The following OR13G1 variants were observed in gnomAD, a reference collection of about 807,000 sequenced individuals.
The protein encoded by OR13G1 is olfactory receptor family 13 subfamily G member 1.
For synonymous variants in OR13G1, 128 were observed against 136.2 expected, an observed-to-expected ratio of 0.94 and a Z score of 0.42; for missense variants, 369 against 385.7, an observed-to-expected ratio of 0.96 and a Z score of 0.36.
At position 247,674,294 on chromosome 1, in the gene OR13G1, G is replaced by T. The variant is rs185141508; in HGVS notation, c.-238-1015C>A. Among the ~76,000 whole-genome samples, 347 of 152,286 alleles carry T rather than the reference G, an allele frequency of 2.3e-3. 1 individual carries two copies. The highest frequency in any genetic ancestry group is 2.9e-3 in the Non-Finnish European group (196 of 68,028). ...GAATCTAGTGAAAGTATTCAAAATA[G>T]TTGTGAATTTAGTCATAAATTTATG... On this transcript the variant is annotated intron_variant, in intron 1 of 1. Transcript: ENST00000642119.
At position 247,672,766 on chromosome 1, in the gene OR13G1, T is replaced by G. The variant is rs1452893448; in HGVS notation, c.276A>C (p.Ala92=). 6.2e-7 allele frequency: 1 copy of G among 1,613,958 alleles called. No homozygotes were observed. The highest frequency in any genetic ancestry group is 1.3e-5 in the African/African-American group (1 of 74,920). ...MLTSENTISY[A]GCMSQLFLFT... is the part of the protein sequence containing the mutation. ...ACAAGAAGAGCTGGGACATGCAGCC[T>G]GCATATGAAATGGTATTTTCTGATG... is the stretch of plus-strand genomic sequence containing the variant. Residue 92 remains alanine, a synonymous_variant, in exon 2 of 2, where the codon GCA becomes GCC. Transcript: ENST00000642119.
intron 1 of OR13G1, among the ~76,000 whole-genome samples, 150 bp downstream of exon 1, chr1:247,679,486 TTGTG>T (rs56753299): frequency 0.29 from 41,277 of 144,342 alleles, 6,149 homozygotes; most frequent in East Asian, 0.52. Flanking sequence ...CGCGGATGGA[TTGTG>T]TGTGTGTGTG....
intron 1 of OR13G1, among the ~76,000 whole-genome samples, chr1:247,678,663 T>C (rs1185758094): frequency 6.6e-6 from 1 of 152,220 alleles, no homozygotes; most frequent in Non-Finnish European, 1.5e-5. Context: ...TAGCTACTTC[T>C]TAATTTTCTA....
rs746409220 is a variant in OR13G1 at position 247,672,379 on chromosome 1, A to G, written c.663T>C (p.Ala221=). The G allele has an allele frequency of 6.2e-7, 1 of 1,614,124 alleles. No homozygotes were observed. Among genetic ancestry groups the G allele is most frequent in the South Asian group, 1.1e-5 (1 of 91,084 alleles). ...TCISYGFIIV[A]ILRIRTVEGK... ...CTTCTACTGTGCGGATACGGAGAAT[A>G]GCAACAATGATAAAACCATAGGAGA... is the stretch of plus-strand genomic sequence containing the variant. The change falls in exon 2 of 2, where the codon GCT becomes GCC. Residue 221 remains alanine (A), a synonymous_variant. Coordinates refer to ENST00000642119, the MANE Select transcript of OR13G1 (RefSeq NM_001005487.2).
At chr1:247,678,679 C>T (rs77998982) in intron 1 of OR13G1, among the ~76,000 whole-genome samples, 7,619 of 152,106 alleles carry the variant, frequency 0.05, 681 homozygotes, top group African/African-American at 0.17. Context: ...TTCTAGGTTT[C>T]GAAGTGATCA....
chr1:247,677,879 C>T (rs1572441624), intron 1 of OR13G1, among the ~76,000 whole-genome samples: 1 of 152,032 alleles, frequency 6.6e-6, no homozygotes, highest in Admixed American at 6.6e-5. Context: ...CCAAGACGGG[C>T]GCATCACCTG....
At position 247,672,788 on chromosome 1, in the gene OR13G1, G is replaced by A; in HGVS notation, c.254C>T (p.Ser85Leu). 6.2e-7 allele frequency: 1 copy of A among 1,614,062 alleles called. No homozygotes were observed. Among genetic ancestry groups the A allele is most frequent in the Non-Finnish European group, 8.5e-7 (1 of 1,179,986 alleles). Residue 85 changes from serine to leucine, a missense_variant, in exon 2 of 2, where the codon TCA becomes TTA. Transcript: ENST00000642119. ...IPKMLGTMLT[S>L]ENTISYAGCM... ...GCCTGCATATGAAATGGTATTTTCTGATGTTAGCATGGTCCCCAGCATCTT... is the reference window on the plus strand; with the variant it reads ...GCCTGCATATGAAATGGTATTTTCTAATGTTAGCATGGTCCCCAGCATCTT...
intron 1 of OR13G1, among the ~76,000 whole-genome samples, chr1:247,677,223 A>G (rs908248508): frequency 1.3e-5 from 2 of 152,200 alleles, no homozygotes; most frequent in Non-Finnish European, 2.9e-5. Context: ...AGCCTGGGTG[A>G]CAGAGCCAGA....
chr1:247,672,275 T>C lies in OR13G1; in HGVS notation c.767A>G (p.Tyr256Cys), dbSNP rs1432243198. 6.2e-7 allele frequency: 1 copy of C among 1,614,054 alleles called. No homozygotes were observed. Among genetic ancestry groups the C allele is most frequent in the East Asian group, 2.2e-5 (1 of 44,886 alleles). The change falls in exon 2 of 2, where the codon TAT becomes TGT. Residue 256 changes from tyrosine to cysteine, a missense_variant. By Grantham distance (194) the Tyr-to-Cys change is radical. Coordinates refer to ENST00000642119, the MANE Select transcript of OR13G1 (RefSeq NM_001005487.2). ...TLYYSPVIYT[Y>C]IRPASSYTFE... is the part of the protein sequence containing the mutation. ...TGTATAGCTGGAAGCAGGGCGGATATAGGTGTAGATTACAGGAGAATAGTA... is the reference window on the plus strand; with the variant it reads ...TGTATAGCTGGAAGCAGGGCGGATACAGGTGTAGATTACAGGAGAATAGTA...
chr1:247,674,244 G>A (rs1459527765), intron 1 of OR13G1, among the ~76,000 whole-genome samples: 2 of 152,058 alleles, frequency 1.3e-5, no homozygotes, highest in African/African-American at 2.4e-5. Flanking sequence ...CGAATTCATG[G>A]CTTTTGGAAC....
intron 1 of OR13G1, among the ~76,000 whole-genome samples, chr1:247,674,414 A>G (rs969715498): frequency 3.3e-5 from 5 of 152,218 alleles, no homozygotes; most frequent in Admixed American, 6.5e-5. Context: ...GTGCGTCCAC[A>G]AATCTAGTCT....
At position 247,672,020 on chromosome 1, in the gene OR13G1, G is replaced by GA; in HGVS notation, c.*97dup. The GA allele has an allele frequency of 1.0e-6, 1 of 982,034 alleles. No individual in the cohort carries two copies. The highest frequency in any genetic ancestry group is 1.5e-6 in the Non-Finnish European group (1 of 666,640). 60.8% of individuals were successfully genotyped at this position (982,034 alleles called of 1,614,324 possible). On this transcript the variant is annotated 3_prime_UTR_variant, in exon 2 of 2. Transcript: ENST00000642119. Reference sequence around the variant, plus strand: ...AAGAAGGCAGGAATAAGAGGGAAGGGAAAATTGGAGTGGAGGTAAGTATGA... The same window carrying GA: ...AAGAAGGCAGGAATAAGAGGGAAGGGAAAAATTGGAGTGGAGGTAAGTATGA...
rs543333581 is a variant in OR13G1, at chr1:247,679,634, A to G, written c.-239+6T>C. 6.6e-6 allele frequency: 1 copy of G among 152,036 alleles called. No homozygotes were observed. The highest frequency in any genetic ancestry group is 2.1e-4 in the South Asian group (1 of 4,804). The allele number at this position is 152,036 out of a possible 1,614,324, so 9.4% of individuals were successfully genotyped here. ...AGAATTAGACAGTCTGCCCACAAAT[A>G]CTCACTGTAGTTTTTTGCAGAGTAT... is the stretch of plus-strand genomic sequence containing the variant. On this transcript the variant is annotated splice_donor_region_variant and intron_variant, in intron 1 of 1. Coordinates refer to ENST00000642119, the MANE Select transcript of OR13G1 (RefSeq NM_001005487.2).
intron 1 of OR13G1, among the ~76,000 whole-genome samples, chr1:247,676,153 T>C (rs1279938105): frequency 6.6e-6 from 1 of 152,168 alleles, no homozygotes; most frequent in Non-Finnish European, 1.5e-5. Context: ...ATTGGTTAAA[T>C]GGAGATAACA....
intron 1 of OR13G1, among the ~76,000 whole-genome samples, chr1:247,675,543 A>G (rs186408599): frequency 7.2e-5 from 11 of 152,166 alleles, no homozygotes. Context: ...GAGTTATGAC[A>G]TTGGTTTGCT....
Position 247,672,506 on chromosome 1 carries a change from G to A in OR13G1, c.536C>T (p.Pro179Leu). 3 of 1,614,088 alleles carry A rather than the reference G, an allele frequency of 1.9e-6. No individual in the cohort carries two copies. The highest frequency in any genetic ancestry group is 3.3e-4 in the Middle Eastern group (2 of 6,062). Residue 179 changes from proline (P) to leucine (L), a missense_variant, in exon 2 of 2, where the codon CCC becomes CTC. By Grantham distance (98) the Pro-to-Leu change is moderately conservative. Coordinates refer to ENST00000642119, the MANE Select transcript of OR13G1 (RefSeq NM_001005487.2). ...NTIDHFFCEI[P>L]PLLALSCSPV... Reference sequence around the variant, plus strand: ...GCTACAGGACAAAGCCAGCAATGGGGGTATCTCACAGAAGAAGTGGTCAAT... The same window carrying A: ...GCTACAGGACAAAGCCAGCAATGGGAGTATCTCACAGAAGAAGTGGTCAAT...
chr1:247,677,305 A>C (rs1408190541), intron 1 of OR13G1, among the ~76,000 whole-genome samples: 1 of 152,176 alleles, frequency 6.6e-6, no homozygotes, highest in Non-Finnish European at 1.5e-5. Flanking sequence ...TTCTAAGGTA[A>C]GGAATTATTT....
chr1:247,672,307 C>G lies in OR13G1; in HGVS notation c.735G>C (p.Val245=). The change falls in exon 2 of 2, where the codon GTG becomes GTC. Residue 245 remains valine, a synonymous_variant. Transcript: ENST00000642119. ...AGATTACAGGAGAATAGTAAAGGGTCACCACTGTGAGATGAGATGAGCATG... is the reference window on the plus strand; with the variant it reads ...AGATTACAGGAGAATAGTAAAGGGTGACCACTGTGAGATGAGATGAGCATG... ...FSTCSSHLTV[V]TLYYSPVIYT... is the part of the protein sequence containing the mutation. 6.2e-7 allele frequency: 1 copy of G among 1,613,446 alleles called. No homozygotes were observed. The highest frequency in any genetic ancestry group is 2.2e-5 in the East Asian group (1 of 44,832).
At chr1:247,678,075 C>T (rs989593964) in intron 1 of OR13G1, among the ~76,000 whole-genome samples, 9 of 152,090 alleles carry the variant, frequency 5.9e-5, no homozygotes, top group Non-Finnish European at 1.3e-4. Context: ...TGCACTCCGA[C>T]CTGGGCAACA....
Sources: allele counts gnomAD v4.1 joint callset (sites outside exome capture counted in the v4.1 genomes callset), GRCh38; gene constraint gnomAD v4.1.1; transcripts MANE v1.5; gene names NCBI Gene and HGNC (gene_info 2026-07-23, HGNC 2026-07-21).